The following CNOT10 variants were observed in gnomAD, a reference collection of about 807,000 sequenced individuals.
CNOT10 encodes the protein CCR4-NOT transcription complex subunit 10.
Under a neutral mutation model 94.6 loss-of-function variants are expected in CNOT10, and 30 were observed. That is an observed-to-expected ratio of 0.32 (90% CI 0.24 to 0.43). The LOEUF (loss-of-function observed/expected upper bound fraction) is 0.43, where lower values mean the gene tolerates loss of function less well. Ranked by LOEUF, CNOT10 falls within the 20% of genes least tolerant of loss-of-function variation. The pLI is 1.00. For missense variants in CNOT10, 759 were observed against 877.2 expected, an observed-to-expected ratio of 0.87 and a Z score of 1.70; for synonymous variants, 289 against 301.6, an observed-to-expected ratio of 0.96 and a Z score of 0.43.
chr3:32,721,150 C>G (rs1698387305), intron 8 of CNOT10, among the ~76,000 whole-genome samples: 1 of 147,232 alleles, frequency 6.8e-6, no homozygotes, highest in African/African-American at 2.5e-5. Context: ...GCCTCCACCT[C>G]CCTCCCGGGT....
chr3:32,691,693 A>G (rs1696855830), intron 1 of CNOT10, among the ~76,000 whole-genome samples: 1 of 152,262 alleles, frequency 6.6e-6, no homozygotes, highest in Non-Finnish European at 1.5e-5. Flanking sequence ...TCTTAAAAAT[A>G]GGGACATTCA....
rs1559471639 is a variant in CNOT10, at chr3:32,687,439, G to GTTTTTTTTTTGT, written c.22+1967_22+1968insGTTTTTTTTTTT. Among the ~76,000 whole-genome samples, 20 of 51,310 alleles carry GTTTTTTTTTTGT rather than the reference G, an allele frequency of 3.9e-4. 2 individuals carry two copies. The South Asian group carries it at 9.0e-3, about 23-fold the overall frequency. 33.7% of individuals were successfully genotyped at this position (51,310 alleles called of 152,430 possible). A position where few individuals can be genotyped will look rare whatever the true frequency, so the allele number is the denominator to read the frequency against. On this transcript the variant is annotated intron_variant, in intron 1 of 18. Coordinates refer to ENST00000328834, the MANE Select transcript of CNOT10 (RefSeq NM_015442.3). ...TTCTTTCTCCTTTTAAGTCCTCACG[G>GTTTTTTTTTTGT]TTTTTTTTTTTTGTTTTTTTTTTTT... is the stretch of plus-strand genomic sequence containing the variant.
rs1575273581 is a variant in CNOT10, at chr3:32,741,743, T to C, written c.1595+4253T>C. On this transcript the variant is annotated intron_variant, in intron 13 of 18. Transcript: ENST00000328834. The stretch of plus-strand genomic sequence containing the variant: ...GAAATCGTGCCACTGCCCCCCAGCC[T>C]GGGCGACAGAGCGAGACTCCGTCTC... 2.8e-5 allele frequency among the ~76,000 whole-genome samples: 4 copies of C among 141,014 alleles called. No individual in the cohort carries two copies. The Admixed American group carries it at 3.0e-4, about 10-fold the overall frequency. The allele number at this position is 141,014 out of a possible 152,430, so 92.5% of individuals were successfully genotyped here. A position where few individuals can be genotyped will look rare whatever the true frequency, so the allele number is the denominator to read the frequency against.
intron 8 of CNOT10, among the ~76,000 whole-genome samples, chr3:32,722,204 C>T (rs78491063): frequency 0.061 from 9,332 of 152,008 alleles, 334 homozygotes; most frequent in African/African-American, 0.091. Context: ...TGGATTCTAC[C>T]CAGATACACG....
intron 5 of CNOT10, 181 bp from the exon 6 acceptor site, chr3:32,716,044 C>T (rs959516911): frequency 1.6e-5 from 7 of 429,946 alleles, no homozygotes; most frequent in South Asian, 1.2e-4. Context: ...TGGGCTCAAG[C>T]GATCCGCCCG....
Position 32,764,773 on chromosome 3 carries a change from G to A in CNOT10, c.1968G>A (p.Arg656=). Residue 656 remains arginine (R), a synonymous_variant, in exon 17 of 19, where the codon AGG becomes AGA. Transcript: ENST00000328834. ...ACCTTGGCAGCGCTTACTGCCTGAGGAGCGAATATGACAAAGCCCGAAAGT... is the reference window on the plus strand; with the variant it reads ...ACCTTGGCAGCGCTTACTGCCTGAGAAGCGAATATGACAAAGCCCGAAAGT... The part of the protein sequence containing the change: ...LFNLGSAYCL[R]SEYDKARKCL... 6.2e-7 allele frequency: 1 copy of A among 1,614,162 alleles called. No homozygotes were observed. The highest frequency in any genetic ancestry group is 8.5e-7 in the Non-Finnish European group (1 of 1,180,038).
intron 11 of CNOT10, 118 bp from the exon 12 acceptor site, chr3:32,734,682 T>G (rs1699100503): frequency 1.2e-6 from 1 of 811,654 alleles, no homozygotes; most frequent in African/African-American, 1.7e-5. Flanking sequence ...TATTAAAATT[T>G]CTACCTATCA....
At chr3:32,739,834 A>G (rs1271601620) in intron 13 of CNOT10, among the ~76,000 whole-genome samples, 1 of 151,918 alleles carries the variant, frequency 6.6e-6, no homozygotes, top group Admixed American at 6.6e-5. Context: ...CTGAGGCTGG[A>G]GAATCACTTG....
chr3:32,697,926 GAT>G (rs1488929672), intron 1 of CNOT10, among the ~76,000 whole-genome samples: 2 of 152,168 alleles, frequency 1.3e-5, no homozygotes, highest in African/African-American at 4.8e-5. Context: ...AAACATGAAA[GAT>G]ATTTATATTC....
At chr3:32,706,899 T>C (rs986496350) in intron 3 of CNOT10, among the ~76,000 whole-genome samples, 2 of 152,246 alleles carry the variant, frequency 1.3e-5, no homozygotes, top group Non-Finnish European at 2.9e-5. Flanking sequence ...CTAGGACCAC[T>C]TGCTAACATT....
intron 6 of CNOT10, among the ~76,000 whole-genome samples, chr3:32,716,693 G>A (rs1268877099): frequency 6.6e-6 from 1 of 152,202 alleles, no homozygotes; most frequent in Non-Finnish European, 1.5e-5. Flanking sequence ...TGTCACCCAA[G>A]CTGCAGTGCA....
At position 32,727,665 on chromosome 3, in the gene CNOT10, T is replaced by C; in HGVS notation, c.1013-3T>C. 6.3e-7 allele frequency: 1 copy of C among 1,586,494 alleles called. No homozygotes were observed. The highest frequency in any genetic ancestry group is 8.7e-7 in the Non-Finnish European group (1 of 1,155,444). ...TGTATTCTTATCTAATTTTTATCAC[T>C]AGGTAAAAAATTTTCAGGAAGACCC... On this transcript the variant is annotated splice_polypyrimidine_tract_variant and splice_region_variant and intron_variant, in intron 9 of 18. Transcript: ENST00000328834.
intron 7 of CNOT10, among the ~76,000 whole-genome samples, chr3:32,717,438 T>C (rs1339780600): frequency 1.3e-5 from 2 of 152,174 alleles, no homozygotes; most frequent in Non-Finnish European, 2.9e-5. Context: ...CAACAAGCAC[T>C]TTTCTATTTT....
chr3:32,773,310 C>G (rs1256853784), intron 18 of CNOT10, 147 bp from the exon 19 acceptor site: 3 of 766,760 alleles, frequency 3.9e-6, no homozygotes, highest in African/African-American at 1.8e-5. Flanking sequence ...AAGATGGAGG[C>G]TTTATGGGAT....
intron 1 of CNOT10, among the ~76,000 whole-genome samples, chr3:32,689,909 T>C (rs1696780925): frequency 1.3e-5 from 2 of 152,132 alleles, no homozygotes; most frequent in African/African-American, 4.8e-5. Flanking sequence ...GAGCTATAAT[T>C]GTGCCACTGT....
intron 4 of CNOT10, among the ~76,000 whole-genome samples, chr3:32,712,889 A>C (rs773696948): frequency 6.6e-6 from 1 of 152,192 alleles, no homozygotes; most frequent in Non-Finnish European, 1.5e-5. Flanking sequence ...TCAGATTTCA[A>C]CATTTCAGGT....
At chr3:32,716,043 G>A in intron 5 of CNOT10, 182 bp from the exon 6 acceptor site, 1 of 432,658 alleles carries the variant, frequency 2.3e-6, no homozygotes. Context: ...CTGGGCTCAA[G>A]CGATCCGCCC....
At chr3:32,745,772 G>T (rs1166919871) in intron 13 of CNOT10, among the ~76,000 whole-genome samples, 1 of 152,248 alleles carries the variant, frequency 6.6e-6, no homozygotes, top group Non-Finnish European at 1.5e-5. Context: ...GTCCAGGCAG[G>T]CAAATTGCTT....
At position 32,708,780 on chromosome 3, in the gene CNOT10, A is replaced by G; in HGVS notation, c.390A>G (p.Ile130Met). 6.2e-7 allele frequency: 1 copy of G among 1,612,972 alleles called. No homozygotes were observed. Among genetic ancestry groups the G allele is most frequent in the Non-Finnish European group, 8.5e-7 (1 of 1,179,706 alleles). The change falls in exon 4 of 19, where the codon ATA becomes ATG. Residue 130 changes from isoleucine to methionine, a missense_variant. Ile to Met is a conservative substitution (Grantham distance 10). This residue lies in a region of CNOT10 where 682 missense variants were observed against 799.4 expected (regional missense o/e 0.85). Coordinates refer to ENST00000328834, the MANE Select transcript of CNOT10 (RefSeq NM_015442.3). ...LYHLRQYTEA[I>M]SVGEKLYQFI... ...ATCTGCGGCAGTATACAGAAGCCAT[A>G]TCAGTTGGTGAAAAACTTTATCAGT...
Sources: allele counts gnomAD v4.1 joint callset (sites outside exome capture counted in the v4.1 genomes callset), GRCh38; gene constraint gnomAD v4.1.1; regional missense constraint gnomAD v4.1.1; transcripts MANE v1.5; gene names NCBI Gene and HGNC (gene_info 2026-07-23, HGNC 2026-07-21).